CHAT: variants seen among roughly 807,000 people sequenced by gnomAD.
CHAT encodes choline O-acetyltransferase.
In CHAT, 61 loss-of-function variants were observed where a neutral mutation model predicts 76.9. The ratio of observed to expected loss-of-function variants is 0.79; its 90% confidence interval spans 0.65 to 0.98. CHAT has a LOEUF of 0.98. Among genes scored for constraint, CHAT ranks in the 50% least tolerant of loss-of-function variants. The pLI is 0.00. For synonymous variants in CHAT, 407 were observed against 397.4 expected (o/e 1.02, Z -0.29); for missense variants, 946 against 986.9 (o/e 0.96, Z 0.56).
chr10:49,627,763 G>C lies in CHAT; in HGVS notation c.1089G>C (p.Glu363Asp). The C allele has an allele frequency of 6.2e-7, 1 of 1,613,920 alleles. No homozygotes were observed. Among genetic ancestry groups the C allele is most frequent in the Non-Finnish European group, 8.5e-7 (1 of 1,179,882 alleles). ...CTGACGGGAGGAGCGAGTGGGCCGAGGCCAGGACGGTCCTCGTGAAAGGTC... is the reference window on the plus strand; with the variant it reads ...CTGACGGGAGGAGCGAGTGGGCCGACGCCAGGACGGTCCTCGTGAAAGGTC... Reference protein sequence around the residue: ...LTSDGRSEWAEARTVLVKDST... With the variant: ...LTSDGRSEWADARTVLVKDST... Residue 363 changes from glutamate (E) to aspartate (D), a missense_variant, in exon 7 of 15, where the codon GAG (glutamate) becomes GAC (aspartate). This residue lies in a region of CHAT where 548 missense variants were observed against 516.2 expected (regional missense o/e 1.06). Transcript: ENST00000337653.
chr10:49,609,866 C>T (rs1838242295), upstream of CHAT, among the ~76,000 whole-genome samples: 1 of 151,718 alleles, frequency 6.6e-6, no homozygotes, highest in Admixed American at 6.5e-5. Context: ...ACCTCGGGGG[C>T]TTCCTGCTCG....
chr10:49,627,881 C>T (rs2132736476), intron 7 of CHAT, 96 bp downstream of exon 7: 6 of 1,406,692 alleles, frequency 4.3e-6, no homozygotes, highest in African/African-American at 1.4e-5. Flanking sequence ...TCATCCCCAT[C>T]AGCCATAGTG....
At position 49,646,540 on chromosome 10, in the gene CHAT, C is replaced by T. The variant is rs771822812; in HGVS notation, c.1147C>T (p.Arg383Cys). 7 of 1,614,112 alleles carry T rather than the reference C, an allele frequency of 4.3e-6. No individual in the cohort carries two copies. The highest frequency in any genetic ancestry group is 5.9e-6 in the Non-Finnish European group (7 of 1,180,044). ...TNRDSLDMIERCICLVCLDAP... is the reference protein window; with the variant it reads ...TNRDSLDMIECCICLVCLDAP... ...CCGGGACTCGCTGGACATGATTGAG[C>T]GCTGCATCTGCCTTGTATGCCTGGA... Residue 383 changes from arginine to cysteine, a missense_variant, in exon 8 of 15, where the codon CGC becomes TGC. By Grantham distance (180) the Arg-to-Cys change is radical (BLOSUM62 -3). Transcript: ENST00000337653.
At position 49,667,107 on chromosome 10, in the gene CHAT, T is replaced by C. The variant is rs975083858; in HGVS notation, c.*2061T>C. 1.8e-4 allele frequency among the ~76,000 whole-genome samples: 28 copies of C among 152,170 alleles called. No homozygotes were observed. The highest frequency in any genetic ancestry group is 3.2e-4 in the Non-Finnish European group (22 of 68,026). ...GCAAGACTATGAGGATTGGAGAGCA[T>C]GTGTGTCAAGGACCTTGCTGGGTCA... On this transcript the variant is annotated 3_prime_UTR_variant, in exon 15 of 15. Transcript: ENST00000337653.
At chr10:49,611,264 A>G (rs994097455), upstream of CHAT, 3 of 1,612,496 alleles carry the variant, frequency 1.9e-6, no homozygotes, top group Admixed American at 5.0e-5. Flanking sequence ...GCCGAGGACT[A>G]CGCCACGCTG....
At chr10:49,634,750 C>T (rs1301192515) in intron 7 of CHAT, among the ~76,000 whole-genome samples, 3 of 152,070 alleles carry the variant, frequency 2.0e-5, no homozygotes, top group African/African-American at 4.8e-5. Flanking sequence ...CTGCCTTTCT[C>T]CCCCACCATC....
chr10:49,653,266 G>A (rs943516695), intron 11 of CHAT, among the ~76,000 whole-genome samples: 1 of 152,118 alleles, frequency 6.6e-6, no homozygotes, highest in Admixed American at 6.5e-5. Flanking sequence ...GGGAAATCAG[G>A]AGTGAAGGCA....
upstream of CHAT, chr10:49,611,658 C>G (rs532084104): frequency 2.5e-6 from 4 of 1,611,898 alleles, no homozygotes; most frequent in South Asian, 1.1e-5. Context: ...TTCCCCTCGC[C>G]TTCCTCGAAC....
At chr10:49,629,317 T>G (rs1365213975) in intron 7 of CHAT, among the ~76,000 whole-genome samples, 1 of 152,174 alleles carries the variant, frequency 6.6e-6, no homozygotes, top group Non-Finnish European at 1.5e-5. Context: ...AATTAATTAT[T>G]CTTTCATCCA....
chr10:49,614,133 C>A lies in CHAT; in HGVS notation c.-57C>A. ...TGCCCGAGTTCCTCCGGGAAGCGCT[C>A]CGGGTAGATTCTGGGGGCCGGGAGC... is the stretch of plus-strand genomic sequence containing the variant. On this transcript the variant is annotated 5_prime_UTR_variant, in exon 1 of 15. Transcript: ENST00000337653. 6.5e-7 allele frequency: 1 copy of A among 1,543,938 alleles called. No individual in the cohort carries two copies. The highest frequency in any genetic ancestry group is 1.2e-5 in the South Asian group (1 of 83,770).
At chr10:49,617,871 G>T (rs2132705620) in intron 2 of CHAT, among the ~76,000 whole-genome samples, 1 of 152,340 alleles carries the variant, frequency 6.6e-6, no homozygotes, top group South Asian at 2.1e-4. Flanking sequence ...GGCAGGAGCA[G>T]CCCGTAGTTG....
In CHAT at chr10:49,653,007, A is replaced by G. The variant is rs188384878; in HGVS notation, c.1634+1001A>G. Among the ~76,000 whole-genome samples, 24 of 151,792 alleles carry G rather than the reference A, an allele frequency of 1.6e-4. No individual in the cohort carries two copies. In the East Asian group the frequency reaches 1.7e-3, roughly 11 times the overall value. ...ATTGAATTTTCTTTTTCTTTCAGGCAGTTGTTACTTCTGTGAATTATCTTG... is the reference window on the plus strand; with the variant it reads ...ATTGAATTTTCTTTTTCTTTCAGGCGGTTGTTACTTCTGTGAATTATCTTG... On this transcript the variant is annotated intron_variant, in intron 11 of 14. Coordinates refer to ENST00000337653, the MANE Select transcript of CHAT (RefSeq NM_020549.5).
chr10:49,615,817 C>A, intron 1 of CHAT: 1 of 568,176 alleles, frequency 1.8e-6, no homozygotes, highest in Admixed American at 3.1e-5. Flanking sequence ...AGCCTCCCTG[C>A]ATACCTCCCT....
Position 49,639,108 on chromosome 10 carries a change from G to A in CHAT, c.1112-7397G>A, listed in dbSNP as rs1839391107. Among the ~76,000 whole-genome samples, 4 of 152,140 alleles carry A rather than the reference G, an allele frequency of 2.6e-5. No individual in the cohort carries two copies. In the South Asian group the frequency reaches 6.2e-4, roughly 24 times the overall value. ...AAATTAGCCTGGCGTGGTGGCAGGC[G>A]CCTGTAATCCCAGCCACTCAGGAGG... On this transcript the variant is annotated intron_variant, in intron 7 of 14. Coordinates refer to ENST00000337653, the MANE Select transcript of CHAT (RefSeq NM_020549.5).
At chr10:49,632,344 C>T (rs1476544831) in intron 7 of CHAT, among the ~76,000 whole-genome samples, 2 of 152,112 alleles carry the variant, frequency 1.3e-5, no homozygotes, top group African/African-American at 2.4e-5. Flanking sequence ...CCAGGGAGCC[C>T]CCAGGGTGGT....
chr10:49,631,601 G>A (rs1839122789), intron 7 of CHAT, among the ~76,000 whole-genome samples: 1 of 152,210 alleles, frequency 6.6e-6, no homozygotes, highest in South Asian at 2.1e-4. Context: ...GGGCCGAGGG[G>A]TTTGGCCGTC....
chr10:49,641,838 G>A (rs923550846), intron 7 of CHAT, among the ~76,000 whole-genome samples: 1 of 152,168 alleles, frequency 6.6e-6, no homozygotes, highest in African/African-American at 2.4e-5. Flanking sequence ...TCCCAAAGAG[G>A]GTGGTATATG....
At chr10:49,651,654 T>A (rs1320172892) in intron 10 of CHAT, 13 of 519,484 alleles carry the variant, frequency 2.5e-5, no homozygotes, top group Non-Finnish European at 3.8e-5. Context: ...GACACCCCAC[T>A]CAGCTGAGCT....
In CHAT at chr10:49,649,618, C is replaced by T. The variant is rs121912821; in HGVS notation, c.1493C>T (p.Ser498Leu). 6.8e-6 allele frequency: 11 copies of T among 1,613,686 alleles called. No homozygotes were observed. Among genetic ancestry groups the T allele is most frequent in the African/African-American group, 1.3e-5 (1 of 74,930 alleles). The change falls in exon 10 of 15, where the codon TCG becomes TTG. Residue 498 changes from serine (S) to leucine (L), a missense_variant. Ser to Leu is a moderately radical substitution (Grantham distance 145). Around this residue, in one of 3 missense-constraint regions of CHAT, gnomAD observed 349 missense variants for 393.9 expected, o/e 0.89. Coordinates refer to ENST00000337653, the MANE Select transcript of CHAT (RefSeq NM_020549.5). ...SPEIQGHLAS[S>L]AEKLQRIVKN... Reference sequence around the variant, plus strand: ...GAAATTCAAGGCCACTTAGCCTCCTCGGCAGAAAAACTTCAACGGTAAGGA... The same window carrying T: ...GAAATTCAAGGCCACTTAGCCTCCTTGGCAGAAAAACTTCAACGGTAAGGA...
Sources: allele counts gnomAD v4.1 joint callset (sites outside exome capture counted in the v4.1 genomes callset), GRCh38; gene constraint gnomAD v4.1.1; regional missense constraint gnomAD v4.1.1; transcripts MANE v1.5; gene names NCBI Gene and HGNC (gene_info 2026-07-23, HGNC 2026-07-21).